ZNF622: variants seen among roughly 807,000 people sequenced by gnomAD.
ZNF622 encodes cytoplasmic 60S subunit biogenesis factor ZNF622.
A neutral mutation model predicts 49.7 loss-of-function variants in ZNF622; 34 were observed. The ratio of observed to expected loss-of-function variants is 0.68; its 90% confidence interval spans 0.52 to 0.91. The LOEUF (loss-of-function observed/expected upper bound fraction) is 0.91, where lower values mean the gene tolerates loss of function less well. Among genes scored for constraint, ZNF622 ranks in the 40% least tolerant of loss-of-function variants. The pLI, the probability that ZNF622 is intolerant of heterozygous loss-of-function variation, is 0.00. For missense variants in ZNF622, 569 were observed against 616.4 expected (o/e 0.92, Z 0.81); for synonymous variants, 209 against 228.7 (o/e 0.91, Z 0.78).
intron 3 of ZNF622, among the ~76,000 whole-genome samples, chr5:16,462,179 G>A (rs1460718136): frequency 1.3e-5 from 2 of 152,118 alleles, no homozygotes; most frequent in Admixed American, 1.3e-4. Context: ...AGAAATCAGG[G>A]AGAAAATGCA....
rs1738207439 is a variant in ZNF622, at chr5:16,465,592, G to A, written c.74C>T (p.Thr25Met). 1.2e-6 allele frequency: 2 copies of A among 1,610,576 alleles called. No individual in the cohort carries two copies. The part of the protein sequence containing the change: ...DADMQRAHYK[T>M]DWHRYNLRRK... Reference sequence around the variant, plus strand: ...CCGCAGGTTGTAGCGGTGCCAGTCCGTCTTATAGTGGGCCCGCTGCATGTC... The same window carrying A: ...CCGCAGGTTGTAGCGGTGCCAGTCCATCTTATAGTGGGCCCGCTGCATGTC... The change falls in exon 1 of 6, where the codon ACG becomes ATG. Residue 25 changes from threonine to methionine, a missense_variant. Physicochemically the swap from Thr to Met is moderately conservative, Grantham distance 81. Coordinates refer to ENST00000308683, the MANE Select transcript of ZNF622 (RefSeq NM_033414.3). The surrounding 1 kb of genome is among the most constrained non-coding windows in gnomAD (Gnocchi z 6.2).
At chr5:16,457,881 A>C (rs1347618554) in intron 4 of ZNF622, among the ~76,000 whole-genome samples, 1 of 152,232 alleles carries the variant, frequency 6.6e-6, no homozygotes, top group East Asian at 1.9e-4. Flanking sequence ...GAATGTGCTA[A>C]CTGCTCAGTA....
chr5:16,454,580 AAAGATATCTACT>A (rs1737994660), intron 4 of ZNF622, among the ~76,000 whole-genome samples: 1 of 152,106 alleles, frequency 6.6e-6, no homozygotes. Flanking sequence ...TGAGGTAAGT[AAAGATATCTACT>A]GGAGGAACAA....
Position 16,451,772 on chromosome 5 carries a change from A to T in ZNF622, c.1319T>A (p.Met440Lys), listed in dbSNP as rs200285034. Residue 440 changes from methionine (M) to lysine (K), a missense_variant, in exon 6 of 6, where the codon ATG (methionine) becomes AAG (lysine). Physicochemically the swap from Met to Lys is moderately conservative, Grantham distance 95. Transcript: ENST00000308683. ...GACATACTGCATGTCTCGCTCTCGC[A>T]TAAGAGCCGCTCCTATGATTGGAAG... ...GWTGSTGAAL[M>K]RERDMQYVQR... 406 of 1,613,642 alleles carry T rather than the reference A, an allele frequency of 2.5e-4. No homozygotes were observed. In the Middle Eastern group the frequency reaches 3.0e-3, roughly 12 times the overall value.
intron 3 of ZNF622, among the ~76,000 whole-genome samples, 198 bp from the exon 4 acceptor site, chr5:16,458,827 A>G (rs1425903772): frequency 1.3e-5 from 2 of 152,228 alleles, no homozygotes; most frequent in Non-Finnish European, 2.9e-5. Context: ...AAATGAGCAA[A>G]TGACATATAA....
At position 16,463,411 on chromosome 5, in the gene ZNF622, A is replaced by C; in HGVS notation, c.886+71T>G. The C allele has an allele frequency of 6.6e-7, 1 of 1,518,840 alleles. No homozygotes were observed. Among genetic ancestry groups the C allele is most frequent in the South Asian group, 1.3e-5 (1 of 77,320 alleles). 94.1% of individuals were successfully genotyped at this position (1,518,840 alleles called of 1,614,324 possible). A position where few individuals can be genotyped will look rare whatever the true frequency, so the allele number is the denominator to read the frequency against. On this transcript the variant is annotated intron_variant, in intron 2 of 5. Coordinates refer to ENST00000308683, the MANE Select transcript of ZNF622 (RefSeq NM_033414.3). This position sits in a 1 kb window ranked among gnomAD's most constrained non-coding sequence, Gnocchi z 4.2. ...AAAGATTGATGAAAAATGCAAAACT[A>C]ATGTTCCCTTGAGACCAGTCCCCCA...
At chr5:16,453,187 T>G (rs1343528667) in intron 4 of ZNF622, 31 bp from the exon 5 acceptor site, 1 of 1,423,936 alleles carries the variant, frequency 7.0e-7, no homozygotes, top group Admixed American at 2.5e-5. Flanking sequence ...ACTGAAACAC[T>G]GAGTTGGATA....
At chr5:16,458,468 C>T (rs1738068147) in intron 4 of ZNF622, 49 bp downstream of exon 4, 2 of 1,278,278 alleles carry the variant, frequency 1.6e-6, no homozygotes, top group African/African-American at 2.9e-5. Context: ...TATGCTTCTC[C>T]CTCAATCCCA....
At chr5:16,451,853 T>C in intron 5 of ZNF622, 69 bp from the exon 6 acceptor site, 1 of 1,552,058 alleles carries the variant, frequency 6.4e-7, no homozygotes, top group Non-Finnish European at 8.7e-7. Flanking sequence ...AATCCAACCT[T>C]GGCAGAGAAT....
intron 5 of ZNF622, among the ~76,000 whole-genome samples, chr5:16,452,595 TATTA>T (rs1196191289): frequency 1.3e-5 from 2 of 152,212 alleles, no homozygotes; most frequent in East Asian, 3.8e-4. Flanking sequence ...CAGAAGCTTA[TATTA>T]ATTAAATTAC....
At position 16,463,382 on chromosome 5, in the gene ZNF622, T is replaced by C; in HGVS notation, c.886+100A>G. 6 of 1,500,738 alleles carry C rather than the reference T, an allele frequency of 4.0e-6. No individual in the cohort carries two copies. The highest frequency in any genetic ancestry group is 5.4e-6 in the Non-Finnish European group (6 of 1,112,914). 93.0% of individuals were successfully genotyped at this position (1,500,738 alleles called of 1,614,324 possible). A position where few individuals can be genotyped will look rare whatever the true frequency, so the allele number is the denominator to read the frequency against. ...CATTCACAAAATAACCAAGCAATTA[T>C]ATCAAAGATTGATGAAAAATGCAAA... On this transcript the variant is annotated intron_variant, in intron 2 of 5. Coordinates refer to ENST00000308683, the MANE Select transcript of ZNF622 (RefSeq NM_033414.3). The surrounding 1 kb of genome is among the most constrained non-coding windows in gnomAD (Gnocchi z 4.2).
rs1012053310 is a variant in ZNF622 at position 16,463,384 on chromosome 5, T to C, written c.886+98A>G. 4.7e-6 allele frequency: 7 copies of C among 1,502,046 alleles called. No individual in the cohort carries two copies. Among genetic ancestry groups the C allele is most frequent in the Non-Finnish European group, 5.4e-6 (6 of 1,113,362 alleles). The allele number at this position is 1,502,046 out of a possible 1,614,324, so 93.0% of individuals were successfully genotyped here. A position where few individuals can be genotyped will look rare whatever the true frequency, so the allele number is the denominator to read the frequency against. On this transcript the variant is annotated intron_variant, in intron 2 of 5. Coordinates refer to ENST00000308683, the MANE Select transcript of ZNF622 (RefSeq NM_033414.3). This position sits in a 1 kb window ranked among gnomAD's most constrained non-coding sequence, Gnocchi z 4.2. ...TTCACAAAATAACCAAGCAATTATATCAAAGATTGATGAAAAATGCAAAAC... is the reference window on the plus strand; with the variant it reads ...TTCACAAAATAACCAAGCAATTATACCAAAGATTGATGAAAAATGCAAAAC...
chr5:16,457,299 C>T (rs74965458), intron 4 of ZNF622, among the ~76,000 whole-genome samples: 2,828 of 152,186 alleles, frequency 0.019, 30 homozygotes, highest in Non-Finnish European at 0.026. Context: ...CTGATTCTAC[C>T]GTTTAAGAAG....
At chr5:16,453,853 G>T (rs1328464596) in intron 4 of ZNF622, among the ~76,000 whole-genome samples, 1 of 151,884 alleles carries the variant, frequency 6.6e-6, no homozygotes, top group Non-Finnish European at 1.5e-5. Context: ...TACATGCACA[G>T]GACAGCCCCC....
chr5:16,451,700 T>C lies in ZNF622; in HGVS notation c.1391A>G (p.Asn464Ser), dbSNP rs752174761. 2.5e-6 allele frequency: 4 copies of C among 1,614,026 alleles called. No homozygotes were observed. The highest frequency in any genetic ancestry group is 1.3e-5 in the African/African-American group (1 of 74,910). ...KWMLKTGMKNNATKQMHFRVQ... is the reference protein window; with the variant it reads ...KWMLKTGMKNSATKQMHFRVQ... ...CCGAAAGTGCATCTGCTTGGTGGCA[T>C]TGTTCTTCATTCCTGTCTTCAGCAT... The change falls in exon 6 of 6, where the codon AAT (asparagine) becomes AGT (serine). Residue 464 changes from asparagine to serine, a missense_variant. Coordinates refer to ENST00000308683, the MANE Select transcript of ZNF622 (RefSeq NM_033414.3).
In ZNF622 at chr5:16,463,416, T is replaced by A. The variant is rs73753046; in HGVS notation, c.886+66A>T. ...TTGATGAAAAATGCAAAACTAATGT[T>A]CCCTTGAGACCAGTCCCCCAATAAT... On this transcript the variant is annotated intron_variant, in intron 2 of 5. Coordinates refer to ENST00000308683, the MANE Select transcript of ZNF622 (RefSeq NM_033414.3). The surrounding 1 kb of genome is among the most constrained non-coding windows in gnomAD (Gnocchi z 4.2). 15,984 of 1,523,366 alleles carry A rather than the reference T, an allele frequency of 0.01. 1,322 individuals carry two copies. The African/African-American group carries it at 0.19, about 18-fold the overall frequency. The allele number at this position is 1,523,366 out of a possible 1,614,324, so 94.4% of individuals were successfully genotyped here.
At chr5:16,455,915 C>T (rs1738017279) in intron 4 of ZNF622, among the ~76,000 whole-genome samples, 1 of 152,192 alleles carries the variant, frequency 6.6e-6, no homozygotes, top group Middle Eastern at 3.4e-3. Flanking sequence ...ATTAGCACCA[C>T]GTATGATGGG....
At chr5:16,452,473 T>C (rs921099573) in intron 5 of ZNF622, among the ~76,000 whole-genome samples, 1 of 152,220 alleles carries the variant, frequency 6.6e-6, no homozygotes, top group Non-Finnish European at 1.5e-5. Context: ...AGGGGACTGA[T>C]AGCTAACCTC....
chr5:16,458,663 A>C, intron 3 of ZNF622, 34 bp from the exon 4 acceptor site: 2 of 1,427,848 alleles, frequency 1.4e-6, no homozygotes, highest in Non-Finnish European at 1.9e-6. Flanking sequence ...TAAATAGACT[A>C]ATATCTCAAA....
Sources: gnomAD v4.1 joint callset for allele counts (sites outside exome capture counted in the v4.1 genomes callset) on GRCh38, gnomAD v4.1.1 for gene constraint, Gnocchi (gnomAD v3.1) non-coding constraint, MANE v1.5 for transcripts, NCBI Gene and HGNC (gene_info 2026-07-23, HGNC 2026-07-21) for gene names.